Variants in EFEMP2 observed in about 807,000 individuals in gnomAD.
EFEMP2 encodes EGF-like fibulin extracellular matrix protein 2.
In EFEMP2, 21 loss-of-function variants were observed where a neutral mutation model predicts 55.3. The observed-to-expected ratio is 0.38, with a 90% CI of 0.27 to 0.55. The LOEUF (loss-of-function observed/expected upper bound fraction) is 0.55. Among genes scored for constraint, EFEMP2 ranks in the 20% least tolerant of loss-of-function variants. EFEMP2 has a pLI of 0.77. For synonymous variants in EFEMP2, 275 were observed against 242.3 expected, an observed-to-expected ratio of 1.14 and a Z score of -1.25; for missense variants, 513 against 615.1, an observed-to-expected ratio of 0.83 and a Z score of 1.76.
Position 65,867,002 on chromosome 11 carries a change from C to T in EFEMP2, c.1248G>A (p.Glu416=), listed in dbSNP as rs748635286. 1.9e-6 allele frequency: 3 copies of T among 1,614,198 alleles called. No individual in the cohort carries two copies. The highest frequency in any genetic ancestry group is 2.2e-5 in the East Asian group (1 of 44,884). Residue 416 remains glutamate, a synonymous_variant, in exon 11 of 11, where the codon GAG becomes GAA. Coordinates refer to ENST00000307998, the MANE Select transcript of EFEMP2 (RefSeq NM_016938.5). ...TGPREYVLDL[E]MVTMNSLMSY... is the part of the protein sequence containing the mutation. ...TCATGAGGGAATTCATGGTGACCAT[C>T]TCCAGGTCCAGCACGTACTCCCGGG...
chr11:65,866,612 C>T lies in EFEMP2; in HGVS notation c.*306G>A, dbSNP rs774541173. 2.6e-5 allele frequency: 18 copies of T among 702,760 alleles called. No individual in the cohort carries two copies. Among genetic ancestry groups the T allele is most frequent in the Non-Finnish European group, 3.1e-5 (12 of 385,058 alleles). The allele number at this position is 702,760 out of a possible 1,614,324, so 43.5% of individuals were successfully genotyped here. ...GCCAGCCAAGTCCAAATCTCTGGGC[C>T]GGGGCCTGGAGTCCGCCCTCCTCGT... On this transcript the variant is annotated 3_prime_UTR_variant, in exon 11 of 11. Transcript: ENST00000307998.
intron 7 of EFEMP2, chr11:65,868,863 T>C (rs901093566): frequency 1.8e-6 from 1 of 546,610 alleles, no homozygotes; most frequent in Non-Finnish European, 3.3e-6. Flanking sequence ...CTAAATAAGT[T>C]ACTGGGAATC....
intron 4 of EFEMP2, 47 bp from the exon 5 acceptor site, chr11:65,870,705 C>G: frequency 1.2e-6 from 2 of 1,613,046 alleles, no homozygotes; most frequent in Non-Finnish European, 1.7e-6. Context: ...CGCACACCAC[C>G]CAACATGACA....
chr11:65,866,758 C>A lies in EFEMP2; in HGVS notation c.*160G>T, dbSNP rs548693216. On this transcript the variant is annotated 3_prime_UTR_variant, in exon 11 of 11. Coordinates refer to ENST00000307998, the MANE Select transcript of EFEMP2 (RefSeq NM_016938.5). ...ATTTAGGTGAACTTGGCCTGCCCCC[C>A]CAAGTGCCACCCTGCCCCAGCCTGA... The A allele has an allele frequency of 8.3e-6, 8 of 963,536 alleles. No homozygotes were observed. The highest frequency in any genetic ancestry group is 4.0e-5 in the Admixed American group (2 of 50,300). The allele number at this position is 963,536 out of a possible 1,614,324, so 59.7% of individuals were successfully genotyped here.
intron 5 of EFEMP2, 95 bp downstream of exon 5, chr11:65,870,441 G>A (rs942430661): frequency 6.3e-7 from 1 of 1,576,374 alleles, no homozygotes; most frequent in Non-Finnish European, 8.7e-7. Flanking sequence ...CAGGGGCCGG[G>A]GGTGAAGCCT....
At chr11:65,870,401 C>T in intron 5 of EFEMP2, 135 bp downstream of exon 5, 1 of 1,473,434 alleles carries the variant, frequency 6.8e-7, no homozygotes, top group Non-Finnish European at 9.4e-7. Flanking sequence ...CGCTACAGTC[C>T]TCTGTGTCTG....
intron 3 of EFEMP2, 37 bp from the exon 4 acceptor site, chr11:65,871,400 T>A: frequency 6.3e-7 from 1 of 1,597,694 alleles, no homozygotes; most frequent in African/African-American, 1.3e-5. Flanking sequence ...GCCAGTCTCC[T>A]GGGCTGGCCC....
intron 4 of EFEMP2, chr11:65,870,866 C>T (rs1161325383): frequency 1.3e-6 from 1 of 755,764 alleles, no homozygotes; most frequent in Non-Finnish European, 2.2e-6. Flanking sequence ...CCCAGCAACA[C>T]TGATTCCTGG....
At position 65,870,611 on chromosome 11, in the gene EFEMP2, C is replaced by T; in HGVS notation, c.415G>A (p.Asp139Asn). ...TAGGAGCCAGGCAAGTTATGGCAGT[C>T]CTGGCTGGGGCGACAGTCGTGCAGG... ...QALHDCRPSQ[D>N]CHNLPGSYQC... is the part of the protein sequence containing the mutation. Residue 139 changes from aspartate (D) to asparagine (N), a missense_variant, in exon 5 of 11, where the codon GAC (aspartate) becomes AAC (asparagine). By Grantham distance (23) the Asp-to-Asn change is conservative. Transcript: ENST00000307998. 6.2e-7 allele frequency: 1 copy of T among 1,614,128 alleles called. No individual in the cohort carries two copies. Among genetic ancestry groups the T allele is most frequent in the Non-Finnish European group, 8.5e-7 (1 of 1,180,016 alleles).
In EFEMP2 at chr11:65,870,194, C is replaced by G. The variant is rs1305161215; in HGVS notation, c.534G>C (p.Val178=). The change falls in exon 6 of 11, where the codon GTG becomes GTC. Residue 178 remains valine, a synonymous_variant. Coordinates refer to ENST00000307998, the MANE Select transcript of EFEMP2 (RefSeq NM_016938.5). Reference sequence around the variant, plus strand: ...GGCAGCGGAAGGAGCCAGGCAGGTTCACGCAGCGGTGCTGGCAGTAGCGGT... The same window carrying G: ...GGCAGCGGAAGGAGCCAGGCAGGTTGACGCAGCGGTGCTGGCAGTAGCGGT... ...CRYRYCQHRC[V]NLPGSFRCQC... is the part of the protein sequence containing the mutation. 3 of 1,613,596 alleles carry G rather than the reference C, an allele frequency of 1.9e-6. No homozygotes were observed. The Admixed American group carries it at 5.0e-5, about 27-fold the overall frequency.
In EFEMP2 at chr11:65,871,205, T is replaced by G; in HGVS notation, c.319A>C (p.Asn107His). ...PPPVPPAQHP[N>H]PCPPGYEPDD... ...GGCTCATAGCCTGGTGGGCAGGGGT[T>G]GGGGTGTTGAGCGGGAGGCACTGGT... The change falls in exon 4 of 11, where the codon AAC becomes CAC. Residue 107 changes from asparagine (N) to histidine (H), a missense_variant. Transcript: ENST00000307998. 1 of 1,614,146 alleles carries G rather than the reference T, an allele frequency of 6.2e-7. No individual in the cohort carries two copies. The highest frequency in any genetic ancestry group is 8.5e-7 in the Non-Finnish European group (1 of 1,180,000).
rs1233196880 is a variant in EFEMP2, at chr11:65,870,353, T to A, written c.491-116A>T. 3.5e-6 allele frequency: 5 copies of A among 1,410,674 alleles called. No homozygotes were observed. The Admixed American group carries it at 6.9e-5, about 19-fold the overall frequency. 87.4% of individuals were successfully genotyped at this position (1,410,674 alleles called of 1,614,324 possible). ...ATAATCCTGTGTCCGAGGAGCTGAA[T>A]TAGGCAGGGTCAGCCAGGACACCTC... On this transcript the variant is annotated intron_variant, in intron 5 of 10. Transcript: ENST00000307998.
At chr11:65,871,803 C>T (rs1859969153) in intron 3 of EFEMP2, 167 bp downstream of exon 3, 1 of 839,482 alleles carries the variant, frequency 1.2e-6, no homozygotes, top group Admixed American at 2.1e-5. Context: ...ACCCCTAGCT[C>T]AACTGGCCTC....
intron 7 of EFEMP2, 168 bp from the exon 8 acceptor site, chr11:65,868,797 T>G: frequency 1.1e-6 from 1 of 915,690 alleles, no homozygotes; most frequent in Non-Finnish European, 1.7e-6. Flanking sequence ...TCAAAGAAAG[T>G]TTGCCCAGGC....
rs576895939 is a variant in EFEMP2 at position 65,872,112 on chromosome 11, C to G, written c.112-94G>C. 2.7e-5 allele frequency: 41 copies of G among 1,527,330 alleles called. No individual in the cohort carries two copies. The East Asian group carries it at 8.1e-4, about 30-fold the overall frequency. 94.6% of individuals were successfully genotyped at this position (1,527,330 alleles called of 1,614,324 possible). ...GGCCTGAGCCTGGCCACCCTCCGGC[C>G]TGCTCCAAACAATGGCCCCCAGCTC... On this transcript the variant is annotated intron_variant, in intron 2 of 10. Coordinates refer to ENST00000307998, the MANE Select transcript of EFEMP2 (RefSeq NM_016938.5).
At chr11:65,867,670 CTTCGT>C in intron 10 of EFEMP2, 186 bp downstream of exon 10, 1 of 663,218 alleles carries the variant, frequency 1.5e-6, no homozygotes, top group Non-Finnish European at 2.7e-6. Context: ...TGTCCGAGTG[CTTCGT>C]TAGAATTGCA....
At chr11:65,871,679 T>G (rs978515252) in intron 3 of EFEMP2, 1 of 596,212 alleles carries the variant, frequency 1.7e-6, no homozygotes, top group Non-Finnish European at 3.0e-6. Flanking sequence ...CCCTCCCAGG[T>G]TGTGATGAGA....
chr11:65,868,195 A>G lies in EFEMP2; in HGVS notation c.974+100T>C, dbSNP rs1859896005. 4 of 1,579,746 alleles carry G rather than the reference A, an allele frequency of 2.5e-6. No homozygotes were observed. In the African/African-American group the frequency reaches 5.4e-5, roughly 21 times the overall value. On this transcript the variant is annotated intron_variant, in intron 9 of 10. Transcript: ENST00000307998. ...TTCATGAAGGACTATGATTCCCATCATCCCTCAGGGGCACTCGCTGGTCTG... is the reference window on the plus strand; with the variant it reads ...TTCATGAAGGACTATGATTCCCATCGTCCCTCAGGGGCACTCGCTGGTCTG...
intron 5 of EFEMP2, 40 bp downstream of exon 5, chr11:65,870,496 A>G: frequency 6.2e-7 from 1 of 1,612,916 alleles, no homozygotes; most frequent in Non-Finnish European, 8.5e-7. Context: ...CAGACCAGGG[A>G]CACAAAGCCG....
Sources: gnomAD v4.1 joint callset for allele counts on GRCh38, gnomAD v4.1.1 for gene constraint, MANE v1.5 for transcripts, NCBI Gene and HGNC (gene_info 2026-07-23, HGNC 2026-07-21) for gene names.